The following LMNTD2 variants were observed in gnomAD, a reference collection of about 807,000 sequenced individuals.
LMNTD2 encodes the protein lamin tail domain containing 2, also known as lamin tail domain-containing protein 2.
In LMNTD2, 83 loss-of-function variants were observed where a neutral mutation model predicts 70.1. The ratio of observed to expected loss-of-function variants is 1.18; its 90% CI spans 0.99 to 1.42. The LOEUF (loss-of-function observed/expected upper bound fraction) is 1.42. Among genes scored for constraint, LMNTD2 ranks in the 40% most tolerant of loss-of-function variants. LMNTD2 has a pLI of 0.00. For missense variants in LMNTD2, 1,153 were observed against 905.9 expected (o/e 1.27, Z -3.50); for synonymous variants, 534 against 406.1 (o/e 1.31, Z -3.79).
Position 556,074 on chromosome 11 carries a change from G to C in LMNTD2, c.1299C>G (p.Arg433=). Residue 433 remains arginine, a synonymous_variant, in exon 11 of 14, where the codon CGC becomes CGG. Coordinates refer to ENST00000329451, the MANE Select transcript of LMNTD2 (RefSeq NM_173573.3). The part of the protein sequence containing the change: ...EATRSAKKPL[R]ASSSREPVPL... ...GAACGGGCTCCCGGCTCGAGGACGC[G>C]CGCAGCGGCTTCTTGGCGCTGCGGG... The C allele has an allele frequency of 6.5e-7, 1 of 1,542,852 alleles. No individual in the cohort carries two copies. Among genetic ancestry groups the C allele is most frequent in the Non-Finnish European group, 8.7e-7 (1 of 1,155,648 alleles).
Position 557,103 on chromosome 11 carries a change from G to C in LMNTD2, c.714-6C>G. ...GTGGCCAGGGCCGGGGCTGCCTGTGGACCACGCTCTGCTTGATGGCCACTC... is the reference window on the plus strand; with the variant it reads ...GTGGCCAGGGCCGGGGCTGCCTGTGCACCACGCTCTGCTTGATGGCCACTC... On this transcript the variant is annotated splice_region_variant and splice_polypyrimidine_tract_variant and intron_variant, in intron 7 of 13. Coordinates refer to ENST00000329451, the MANE Select transcript of LMNTD2 (RefSeq NM_173573.3). The C allele has an allele frequency of 1.3e-6, 2 of 1,582,334 alleles. No individual in the cohort carries two copies. The highest frequency in any genetic ancestry group is 2.3e-5 in the South Asian group (2 of 88,160).
rs746130560 is a variant in LMNTD2 at position 558,144 on chromosome 11, C to T, written c.399+17G>A. On this transcript the variant is annotated intron_variant, in intron 4 of 13. Coordinates refer to ENST00000329451, the MANE Select transcript of LMNTD2 (RefSeq NM_173573.3). ...CCAACACCAGGACCCTGCCCACTCC[C>T]TGTGCCCCTGCCTCACCCACTGGGC... The T allele has an allele frequency of 1.6e-5, 25 of 1,612,536 alleles. No homozygotes were observed. The South Asian group carries it at 2.7e-4, about 18-fold the overall frequency.
At chr11:558,554 A>C in intron 3 of LMNTD2, 60 bp downstream of exon 3, 1 of 1,516,646 alleles carries the variant, frequency 6.6e-7, no homozygotes, top group Non-Finnish European at 8.9e-7. Flanking sequence ...TCAGACAGAA[A>C]CCAGGAGTCC....
chr11:556,284 C>T lies in LMNTD2; in HGVS notation c.1165G>A (p.Gly389Ser), dbSNP rs933268984. 1 of 1,535,426 alleles carries T rather than the reference C, an allele frequency of 6.5e-7. No homozygotes were observed. Among genetic ancestry groups the T allele is most frequent in the African/African-American group, 1.4e-5 (1 of 73,140 alleles). Residue 389 changes from glycine (G) to serine (S), a missense_variant, in exon 10 of 14, where the codon GGC (glycine) becomes AGC (serine). By Grantham distance (56) the Gly-to-Ser change is moderately conservative (BLOSUM62 0). Coordinates refer to ENST00000329451, the MANE Select transcript of LMNTD2 (RefSeq NM_173573.3). ...PSQESTADLSGMVLKQLVRGF... is the reference protein window; with the variant it reads ...PSQESTADLSSMVLKQLVRGF... ...CGCACCAGCTGCTTCAGCACCATGC[C>T]GCTCAGGTCGGCCGTGCTCTCCTGC...
chr11:559,025 G>T (rs1429395195), intron 1 of LMNTD2, 46 bp from the exon 2 acceptor site: 10 of 1,585,758 alleles, frequency 6.3e-6, no homozygotes, highest in Non-Finnish European at 8.5e-6. Context: ...TCAACCTCCT[G>T]GCCAGACTTG....
At chr11:556,721 G>A (rs1015028331) in intron 8 of LMNTD2, 114 bp downstream of exon 8, 33 of 1,428,898 alleles carry the variant, frequency 2.3e-5, no homozygotes, top group Non-Finnish European at 2.7e-5. Context: ...GGGCAGGAAA[G>A]GTGGCTGGAC....
chr11:559,049 A>G (rs756935259), intron 1 of LMNTD2, 70 bp from the exon 2 acceptor site: 1 of 1,557,528 alleles, frequency 6.4e-7, no homozygotes, highest in Admixed American at 1.8e-5. Context: ...GCCATTCTCA[A>G]TGTTCTTCGG....
In LMNTD2 at chr11:557,490, G is replaced by A. The variant is rs751034366; in HGVS notation, c.625-3C>T. ...TCCACGTCCTCCAGCCGAAAGCCCT[G>A]GCCAGGAAGCAAGAGGCACATGGTC... On this transcript the variant is annotated splice_region_variant and splice_polypyrimidine_tract_variant and intron_variant, in intron 6 of 13. Coordinates refer to ENST00000329451, the MANE Select transcript of LMNTD2 (RefSeq NM_173573.3). 1.2e-6 allele frequency: 2 copies of A among 1,612,850 alleles called. No homozygotes were observed. The highest frequency in any genetic ancestry group is 1.7e-6 in the Non-Finnish European group (2 of 1,179,572).
At position 554,875 on chromosome 11, in the gene LMNTD2, T is replaced by A; in HGVS notation, c.*105A>T. Reference sequence around the variant, plus strand: ...TCAGGTGTACAGAAATGCGGTTTACTTTGTAGGCCACGTTGGTTCAATAAA... The same window carrying A: ...TCAGGTGTACAGAAATGCGGTTTACATTGTAGGCCACGTTGGTTCAATAAA... On this transcript the variant is annotated 3_prime_UTR_variant, in exon 14 of 14. Transcript: ENST00000329451. 2 of 806,812 alleles carry A rather than the reference T, an allele frequency of 2.5e-6. No homozygotes were observed. The highest frequency in any genetic ancestry group is 3.9e-5 in the South Asian group (2 of 50,952). The allele number at this position is 806,812 out of a possible 1,614,324, so 50.0% of individuals were successfully genotyped here. A position where few individuals can be genotyped will look rare whatever the true frequency, so the allele number is the denominator to read the frequency against.
In LMNTD2 at chr11:556,602, C is replaced by T. The variant is rs1852893404; in HGVS notation, c.977-14G>A. On this transcript the variant is annotated splice_polypyrimidine_tract_variant and intron_variant, in intron 8 of 13. Transcript: ENST00000329451. ...TTTTCTGGAGATCTAGAGAGAGCAG[C>T]GCTTTTGGGGAGGGGACCCTCGAAT... 6.6e-7 allele frequency: 1 copy of T among 1,505,700 alleles called. No individual in the cohort carries two copies. The highest frequency in any genetic ancestry group is 8.9e-7 in the Non-Finnish European group (1 of 1,126,936). The allele number at this position is 1,505,700 out of a possible 1,614,324, so 93.3% of individuals were successfully genotyped here.
At position 555,477 on chromosome 11, in the gene LMNTD2, C is replaced by A; in HGVS notation, c.1601G>T (p.Ser534Ile). The A allele has an allele frequency of 7.3e-7, 1 of 1,375,144 alleles. No individual in the cohort carries two copies. The highest frequency in any genetic ancestry group is 9.3e-7 in the Non-Finnish European group (1 of 1,070,840). 85.2% of individuals were successfully genotyped at this position (1,375,144 alleles called of 1,614,324 possible). Residue 534 changes from serine to isoleucine, a missense_variant, in exon 13 of 14, where the codon AGC (serine) becomes ATC (isoleucine). Transcript: ENST00000329451. ...PGTRGLLPPV[S>I]SGKLFHAREG... ...CCGCGCGTGGAAGAGCTTCCCCGAG[C>A]TCACTGGGGGCAGCAGGCCCCGCGT...
At position 557,503 on chromosome 11, in the gene LMNTD2, G is replaced by A. The variant is rs374265452; in HGVS notation, c.625-16C>T. On this transcript the variant is annotated splice_polypyrimidine_tract_variant and intron_variant, in intron 6 of 13. Transcript: ENST00000329451. ...GCCGAAAGCCCTGGCCAGGAAGCAA[G>A]AGGCACATGGTCCTCCCCTCCCGCA... 1.9e-6 allele frequency: 3 copies of A among 1,613,244 alleles called. No individual in the cohort carries two copies. The highest frequency in any genetic ancestry group is 2.5e-6 in the Non-Finnish European group (3 of 1,179,730).
rs764804747 is a variant in LMNTD2, at chr11:557,484, A to G, written c.628T>C (p.Phe210Leu). 1 of 1,612,676 alleles carries G rather than the reference A, an allele frequency of 6.2e-7. No individual in the cohort carries two copies. Among genetic ancestry groups the G allele is most frequent in the South Asian group, 1.1e-5 (1 of 90,950 alleles). The change falls in exon 7 of 14, where the codon TTT becomes CTT. Residue 210 changes from phenylalanine to leucine, a missense_variant. Physicochemically the swap from Phe to Leu is conservative, Grantham distance 22. Transcript: ENST00000329451. Reference sequence around the variant, plus strand: ...TTCCAATCCACGTCCTCCAGCCGAAAGCCCTGGCCAGGAAGCAAGAGGCAC... The same window carrying G: ...TTCCAATCCACGTCCTCCAGCCGAAGGCCCTGGCCAGGAAGCAAGAGGCAC... ...ENIQAPTGEG[F>L]RLEDVDWNSV...
intron 3 of LMNTD2, 117 bp downstream of exon 3, chr11:558,497 C>A: frequency 7.5e-7 from 1 of 1,326,618 alleles, no homozygotes. Context: ...AGGGTCAGCG[C>A]GGGCAAGGAT....
rs578072346 is a variant in LMNTD2 at position 555,115 on chromosome 11, G to T, written c.1774-4C>A. The T allele has an allele frequency of 2.1e-6, 3 of 1,451,704 alleles. No individual in the cohort carries two copies. The highest frequency in any genetic ancestry group is 1.6e-5 in the African/African-American group (1 of 62,844). 89.9% of individuals were successfully genotyped at this position (1,451,704 alleles called of 1,614,324 possible). A position where few individuals can be genotyped will look rare whatever the true frequency, so the allele number is the denominator to read the frequency against. ...GGTCCACGCTCTTCCGGCACACCTG[G>T]GGGGCGCGGGGGCTGAGAGGCGCGC... is the stretch of plus-strand genomic sequence containing the variant. On this transcript the variant is annotated splice_region_variant and splice_polypyrimidine_tract_variant and intron_variant, in intron 13 of 13. Coordinates refer to ENST00000329451, the MANE Select transcript of LMNTD2 (RefSeq NM_173573.3).
Position 555,474 on chromosome 11 carries a change from G to A in LMNTD2, c.1604C>T (p.Ser535Leu), listed in dbSNP as rs1852787991. 2.9e-6 allele frequency: 4 copies of A among 1,377,210 alleles called. No homozygotes were observed. Among genetic ancestry groups the A allele is most frequent in the African/African-American group, 1.5e-5 (1 of 66,084 alleles). 85.3% of individuals were successfully genotyped at this position (1,377,210 alleles called of 1,614,324 possible). Residue 535 changes from serine (S) to leucine (L), a missense_variant, in exon 13 of 14, where the codon TCG becomes TTG. Coordinates refer to ENST00000329451, the MANE Select transcript of LMNTD2 (RefSeq NM_173573.3). ...GTRGLLPPVSSGKLFHAREGP... is the reference protein window; with the variant it reads ...GTRGLLPPVSLGKLFHAREGP... Reference sequence around the variant, plus strand: ...CTCCCGCGCGTGGAAGAGCTTCCCCGAGCTCACTGGGGGCAGCAGGCCCCG... The same window carrying A: ...CTCCCGCGCGTGGAAGAGCTTCCCCAAGCTCACTGGGGGCAGCAGGCCCCG...
Position 560,680 on chromosome 11 carries a change from T to G in LMNTD2, c.34+3A>C. The G allele has an allele frequency of 7.0e-7, 1 of 1,435,986 alleles. No individual in the cohort carries two copies. Among genetic ancestry groups the G allele is most frequent in the Non-Finnish European group, 9.2e-7 (1 of 1,085,636 alleles). The allele number at this position is 1,435,986 out of a possible 1,614,324, so 89.0% of individuals were successfully genotyped here. ...CGGCCCAGGAGCGGGGCCAGACACC[T>G]ACCCCGACGCCTGCCCGCGGGCCGC... On this transcript the variant is annotated splice_donor_region_variant and intron_variant, in intron 1 of 13. Coordinates refer to ENST00000329451, the MANE Select transcript of LMNTD2 (RefSeq NM_173573.3).
chr11:556,769 A>G, intron 8 of LMNTD2, 66 bp downstream of exon 8: 1 of 1,469,130 alleles, frequency 6.8e-7, no homozygotes. Flanking sequence ...GCTCTGAGTG[A>G]GATCACAGCT....
At chr11:557,772 T>A in intron 5 of LMNTD2, 112 bp downstream of exon 5, 1 of 1,544,556 alleles carries the variant, frequency 6.5e-7, no homozygotes, top group Non-Finnish European at 8.7e-7. Context: ...CAGAGGCACC[T>A]GAGCAGGGCA....
Sources: gnomAD v4.1 joint callset for allele counts on GRCh38, gnomAD v4.1.1 for gene constraint, MANE v1.5 for transcripts, NCBI Gene and HGNC (gene_info 2026-07-23, HGNC 2026-07-21) for gene names.